Variants in LANCL2 observed in about 807,000 individuals in gnomAD.
The protein encoded by LANCL2 is lanC-like protein 2.
In LANCL2, 33 loss-of-function variants were observed where a neutral mutation model predicts 56.9. The observed-to-expected ratio is 0.58, with a 90% confidence interval of 0.44 to 0.78. The LOEUF is 0.78. Among genes scored for constraint, LANCL2 ranks in the 30% least tolerant of loss-of-function variants. LANCL2 has a pLI of 0.00. For synonymous variants in LANCL2, 233 were observed against 228.2 expected (o/e 1.02, Z -0.19); for missense variants, 562 against 580.2 (o/e 0.97, Z 0.32).
intron 1 of LANCL2, among the ~76,000 whole-genome samples, chr7:55,376,306 AG>A (rs11342301): frequency 0.021 from 3,215 of 152,292 alleles, 132 homozygotes; most frequent in African/African-American, 0.074. Flanking sequence ...ATAGTAGTGA[AG>A]GGCAGCAACA....
chr7:55,392,586 C>T (rs986184987), intron 2 of LANCL2, among the ~76,000 whole-genome samples: 1 of 137,190 alleles, frequency 7.3e-6, no homozygotes, highest in East Asian at 2.0e-4. Flanking sequence ...TGGGCTCAAG[C>T]GATCCTCCTG....
intron 1 of LANCL2, among the ~76,000 whole-genome samples, chr7:55,385,443 G>A (rs1046855342): frequency 4.6e-5 from 7 of 152,284 alleles, no homozygotes; most frequent in Non-Finnish European, 5.9e-5. Flanking sequence ...ACTGGCTTTA[G>A]AAATAAAAGG....
At chr7:55,397,460 CAAA>C (rs35547837) in intron 2 of LANCL2, among the ~76,000 whole-genome samples, 4 of 90,346 alleles carry the variant, frequency 4.4e-5, no homozygotes, top group Admixed American at 2.5e-4. Context: ...GACTCTGTCT[CAAA>C]AAAAAAAAAA....
Position 55,375,758 on chromosome 7 carries a change from A to T in LANCL2, c.204+9529A>T, listed in dbSNP as rs139195082. Reference sequence around the variant, plus strand: ...TCTTCAAGGCTGCCTTCTCTCCTGGAGGCCCTGAGGGTGAATCTGTTTCCC... The same window carrying T: ...TCTTCAAGGCTGCCTTCTCTCCTGGTGGCCCTGAGGGTGAATCTGTTTCCC... On this transcript the variant is annotated intron_variant, in intron 1 of 8. Transcript: ENST00000254770. Among the ~76,000 whole-genome samples, 77 of 152,268 alleles carry T rather than the reference A, an allele frequency of 5.1e-4. 1 individual carries two copies. In the East Asian group the frequency reaches 0.015, roughly 29 times the overall value.
chr7:55,366,385 C>T (rs919214141), intron 1 of LANCL2, among the ~76,000 whole-genome samples, 156 bp downstream of exon 1: 3 of 152,368 alleles, frequency 2.0e-5, no homozygotes, highest in Non-Finnish European at 1.5e-5. Flanking sequence ...CCCGATGAGC[C>T]GCGCTTAGGG....
chr7:55,418,341 G>A (rs1790568709), intron 6 of LANCL2, among the ~76,000 whole-genome samples: 1 of 151,854 alleles, frequency 6.6e-6, no homozygotes, highest in Non-Finnish European at 1.5e-5. Flanking sequence ...ACCATGCCTG[G>A]CTAATTTTTG....
intron 1 of LANCL2, among the ~76,000 whole-genome samples, chr7:55,377,086 G>A (rs1223075582): frequency 6.6e-6 from 1 of 152,122 alleles, no homozygotes; most frequent in African/African-American, 2.4e-5. Flanking sequence ...AGTAACAGTT[G>A]TTAGAGTGTT....
At chr7:55,428,682 C>T (rs545282039) in intron 8 of LANCL2, among the ~76,000 whole-genome samples, 48 of 152,230 alleles carry the variant, frequency 3.2e-4, no homozygotes, top group Middle Eastern at 6.8e-3. Context: ...GGTGTCTATG[C>T]AGACAGAACG....
At chr7:55,395,679 A>C (rs1277919295) in intron 2 of LANCL2, among the ~76,000 whole-genome samples, 1 of 152,268 alleles carries the variant, frequency 6.6e-6, no homozygotes, top group Non-Finnish European at 1.5e-5. Flanking sequence ...AGAGTTTACA[A>C]GTCACCATTG....
chr7:55,366,609 C>A (rs1789875811), intron 1 of LANCL2, among the ~76,000 whole-genome samples: 1 of 152,100 alleles, frequency 6.6e-6, no homozygotes, highest in Admixed American at 6.5e-5. Flanking sequence ...GGCCTGGAGG[C>A]TGGATTTCCT....
At chr7:55,403,110 C>T (rs533969074) in intron 5 of LANCL2, among the ~76,000 whole-genome samples, 5 of 152,270 alleles carry the variant, frequency 3.3e-5, no homozygotes, top group Non-Finnish European at 5.9e-5. Context: ...GAGGTTGTAG[C>T]GAGCCGAGAT....
At chr7:55,409,302 C>T (rs537471017) in intron 5 of LANCL2, among the ~76,000 whole-genome samples, 1 of 151,638 alleles carries the variant, frequency 6.6e-6, no homozygotes, top group African/African-American at 2.4e-5. Flanking sequence ...CCGTATTAGC[C>T]AGGACGGTCT....
chr7:55,385,561 G>C (rs2128992222), intron 1 of LANCL2, among the ~76,000 whole-genome samples: 1 of 152,310 alleles, frequency 6.6e-6, no homozygotes, highest in Admixed American at 6.5e-5. Context: ...TTTTATTAGG[G>C]AGTTTCAAAA....
chr7:55,426,804 G>T (rs947836178), intron 7 of LANCL2, among the ~76,000 whole-genome samples: 2 of 152,240 alleles, frequency 1.3e-5, no homozygotes, highest in Admixed American at 6.5e-5. Flanking sequence ...CACGGGGGAT[G>T]GGGCAAAACA....
intron 5 of LANCL2, among the ~76,000 whole-genome samples, chr7:55,407,551 G>A (rs144059929): frequency 2.1e-3 from 326 of 152,348 alleles, no homozygotes; most frequent in Non-Finnish European, 3.6e-3. Context: ...CTTTGAGGGC[G>A]TTTTTGAATG....
chr7:55,387,739 C>T (rs1790140928), intron 1 of LANCL2, among the ~76,000 whole-genome samples: 1 of 152,064 alleles, frequency 6.6e-6, no homozygotes, highest in South Asian at 2.1e-4. Context: ...CTTCATGAAC[C>T]TTTTCATGAC....
At chr7:55,383,890 A>AGGAAT in intron 1 of LANCL2, among the ~76,000 whole-genome samples, 1 of 152,202 alleles carries the variant, frequency 6.6e-6, no homozygotes, top group East Asian at 1.9e-4. Context: ...TAATTCAGCC[A>AGGAAT]ACACCCAGGA....
At chr7:55,371,257 G>A (rs991960726) in intron 1 of LANCL2, among the ~76,000 whole-genome samples, 1 of 151,316 alleles carries the variant, frequency 6.6e-6, no homozygotes, top group East Asian at 1.9e-4. Context: ...GTTTTTTTTC[G>A]AGACAGGGTC....
intron 1 of LANCL2, among the ~76,000 whole-genome samples, chr7:55,388,527 C>T (rs945841122): frequency 2.6e-5 from 4 of 152,168 alleles, no homozygotes; most frequent in South Asian, 2.1e-4. Context: ...GCCTGGGCAA[C>T]AGAGAGACTC....
Sources: gnomAD v4.1 joint callset for allele counts (sites outside exome capture counted in the v4.1 genomes callset) on GRCh38, gnomAD v4.1.1 for gene constraint, MANE v1.5 for transcripts, NCBI Gene and HGNC (gene_info 2026-07-23, HGNC 2026-07-21) for gene names.